GLP2R: variants seen among roughly 807,000 people sequenced by gnomAD.
The protein encoded by GLP2R is glucagon like peptide 2 receptor.
In GLP2R, 59 loss-of-function variants were observed where a neutral mutation model predicts 68.2. The ratio of observed to expected loss-of-function variants is 0.87; its 90% CI spans 0.70 to 1.07. GLP2R has a LOEUF of 1.07. Among genes scored for constraint, GLP2R ranks in the 50% least tolerant of loss-of-function variants. The pLI is 0.00. For synonymous variants in GLP2R, 270 were observed against 265.4 expected (o/e 1.02, Z -0.17); for missense variants, 548 against 677.4 (o/e 0.81, Z 2.12).
intron 11 of GLP2R, among the ~76,000 whole-genome samples, chr17:9,882,500 G>A (rs780276909): frequency 1.1e-4 from 16 of 152,286 alleles, no homozygotes; most frequent in Admixed American, 3.9e-4. Context: ...GGACCAGAAA[G>A]GACATTCACA....
At chr17:9,842,690 C>T in intron 4 of GLP2R, 74 bp downstream of exon 4, 11 of 1,529,286 alleles carry the variant, frequency 7.2e-6, no homozygotes, top group Non-Finnish European at 9.9e-6. Flanking sequence ...CAGTGGCCTG[C>T]TGGCTCCAGG....
chr17:9,835,026 T>C (rs2066713927), intron 2 of GLP2R, among the ~76,000 whole-genome samples: 1 of 20,202 alleles, frequency 4.9e-5, no homozygotes, highest in African/African-American at 2.3e-4. Flanking sequence ...AAACCTGGCC[T>C]TTTTTTTTTT....
intron 9 of GLP2R, among the ~76,000 whole-genome samples, chr17:9,867,721 C>T (rs117129969): frequency 2.5e-3 from 375 of 152,280 alleles, no homozygotes; most frequent in Non-Finnish European, 4.6e-3. Flanking sequence ...TTAACAGACC[C>T]GGTGAAATGG....
At chr17:9,882,465 A>G (rs1017969655) in intron 11 of GLP2R, among the ~76,000 whole-genome samples, 3 of 152,222 alleles carry the variant, frequency 2.0e-5, no homozygotes, top group Admixed American at 6.5e-5. Flanking sequence ...GTGTACATGC[A>G]TAAGGTTGCA....
At position 9,842,542 on chromosome 17, in the gene GLP2R, C is replaced by T; in HGVS notation, c.430C>T (p.Gln144Ter). The T allele has an allele frequency of 1.2e-6, 2 of 1,614,040 alleles. No homozygotes were observed. Among genetic ancestry groups the T allele is most frequent in the East Asian group, 2.2e-5 (1 of 44,868 alleles). ...YRHCLAQGTW[Q>*]TIENATDIWQ... ...ACACTGCTTGGCTCAGGGGACTTGG[C>T]AGACGATAGAGAACGCCACGGATAT... Residue 144 changes from glutamine (Q) to a stop codon, truncating the protein, a stop_gained, in exon 4 of 13, where the codon CAG becomes TAG. Transcript: ENST00000262441. LOFTEE classifies it high-confidence loss of function.
intron 9 of GLP2R, among the ~76,000 whole-genome samples, chr17:9,862,611 G>A (rs947390793): frequency 1.3e-5 from 2 of 152,272 alleles, no homozygotes; most frequent in Admixed American, 6.5e-5. Context: ...CAGAATATTT[G>A]GAATGGAAAG....
At chr17:9,844,783 C>T (rs1178825594) in intron 4 of GLP2R, among the ~76,000 whole-genome samples, 19 of 141,054 alleles carry the variant, frequency 1.3e-4, no homozygotes, top group East Asian at 4.8e-4. Context: ...CTCTGCCTCC[C>T]GGGTTCAAGC....
chr17:9,837,255 T>G (rs986587063), intron 3 of GLP2R, among the ~76,000 whole-genome samples: 2 of 152,176 alleles, frequency 1.3e-5, no homozygotes, highest in African/African-American at 4.8e-5. Context: ...CCACCTCCAC[T>G]GTCCCAGCCG....
intron 3 of GLP2R, among the ~76,000 whole-genome samples, chr17:9,837,921 A>G (rs548392881): frequency 1.3e-5 from 2 of 152,286 alleles, no homozygotes; most frequent in East Asian, 1.9e-4. Context: ...AAATCATCCC[A>G]TTGTGCAACT....
chr17:9,880,219 C>T (rs537015482), intron 10 of GLP2R, among the ~76,000 whole-genome samples, 159 bp from the exon 11 acceptor site: 1 of 152,324 alleles, frequency 6.6e-6, no homozygotes, highest in South Asian at 2.1e-4. Flanking sequence ...AACAAGACCA[C>T]AATGGCCCTG....
At chr17:9,846,965 A>G (rs2066844556) in intron 4 of GLP2R, among the ~76,000 whole-genome samples, 1 of 152,200 alleles carries the variant, frequency 6.6e-6, no homozygotes. Context: ...GTGTTAGTAA[A>G]TGTTAACAAC....
chr17:9,862,268 A>G (rs1277737386), intron 9 of GLP2R, among the ~76,000 whole-genome samples, 178 bp downstream of exon 9: 2 of 152,154 alleles, frequency 1.3e-5, no homozygotes, highest in Non-Finnish European at 2.9e-5. Context: ...CAGGACCTCA[A>G]TTTGGAGTTA....
At chr17:9,842,401 C>A in intron 3 of GLP2R, 94 bp from the exon 4 acceptor site, 1 of 1,493,424 alleles carries the variant, frequency 6.7e-7, no homozygotes, top group Non-Finnish European at 9.1e-7. Flanking sequence ...AAATGAAAAT[C>A]CCTTCTCCCT....
At chr17:9,865,793 TAGAG>T (rs891204335) in intron 9 of GLP2R, 1 of 470,884 alleles carries the variant, frequency 2.1e-6, no homozygotes, top group Non-Finnish European at 4.4e-6. Flanking sequence ...CCTCAGCTCT[TAGAG>T]AGGACATTGC....
chr17:9,840,208 C>G lies in GLP2R; in HGVS notation c.383-2287C>G, dbSNP rs1419476393. ...GCCAGGCTGGTCTCGAACTTCTGAC[C>G]TCGTGAACCTCCCGCCTTGGCCTCC... On this transcript the variant is annotated intron_variant, in intron 3 of 12. Coordinates refer to ENST00000262441, the MANE Select transcript of GLP2R (RefSeq NM_004246.3). Among the ~76,000 whole-genome samples, 5 of 152,214 alleles carry G rather than the reference C, an allele frequency of 3.3e-5. 1 individual carries two copies. The highest frequency in any genetic ancestry group is 1.3e-4 in the Admixed American group (2 of 15,286).
chr17:9,828,946 C>T (rs1386192371), intron 1 of GLP2R, among the ~76,000 whole-genome samples: 1 of 152,150 alleles, frequency 6.6e-6, no homozygotes, highest in Non-Finnish European at 1.5e-5. Flanking sequence ...TTCTGATGGC[C>T]TTACTCTTGG....
chr17:9,875,643 G>C (rs1282945525), intron 10 of GLP2R, among the ~76,000 whole-genome samples: 1 of 152,182 alleles, frequency 6.6e-6, no homozygotes, highest in African/African-American at 2.4e-5. Context: ...GTCTGGCTTG[G>C]AGAAAGAGAA....
Position 9,888,122 on chromosome 17 carries a change from G to A in GLP2R, c.1326+149G>A, listed in dbSNP as rs142245458. On this transcript the variant is annotated intron_variant, in intron 12 of 12. Transcript: ENST00000262441. ...GGACAAATTTGTATTGTGAGCTTCC[G>A]GTACAGAGAGCAGGAGGCAGCTTAG... 1.9e-3 allele frequency: 1,432 copies of A among 757,830 alleles called. 5 individuals are homozygous for A. Among genetic ancestry groups the A allele is most frequent in the South Asian group, 2.8e-3 (198 of 70,452 alleles). 46.9% of individuals were successfully genotyped at this position (757,830 alleles called of 1,614,324 possible).
At chr17:9,848,960 A>AAAATAAAT (rs1237291903) in intron 4 of GLP2R, among the ~76,000 whole-genome samples, 1 of 151,774 alleles carries the variant, frequency 6.6e-6, no homozygotes, top group African/African-American at 2.4e-5. Context: ...TAATGGAATG[A>AAAATAAAT]AAATAAATTA....
Sources: gnomAD v4.1 joint callset for allele counts (sites outside exome capture counted in the v4.1 genomes callset) on GRCh38, gnomAD v4.1.1 for gene constraint, MANE v1.5 for transcripts, NCBI Gene and HGNC (gene_info 2026-07-23, HGNC 2026-07-21) for gene names.